The following BLNK variants were observed in gnomAD, a reference collection of about 807,000 sequenced individuals.
The protein encoded by BLNK is B cell linker.
BLNK carries 29 observed loss-of-function variants against 73.5 expected under a neutral mutation model. The ratio of observed to expected loss-of-function variants is 0.39; its 90% confidence interval spans 0.29 to 0.54. The LOEUF (loss-of-function observed/expected upper bound fraction) is 0.54. Among genes scored for constraint, BLNK ranks in the 20% least tolerant of loss-of-function variants. The pLI is 0.61. For missense variants in BLNK, 460 were observed against 562.8 expected (o/e 0.82, Z 1.85); for synonymous variants, 176 against 200.8 (o/e 0.88, Z 1.04).
intron 11 of BLNK, chr10:96,204,977 CA>C: frequency 3.1e-6 from 1 of 318,538 alleles, no homozygotes; most frequent in Non-Finnish European, 6.1e-6. Flanking sequence ...CTCTACTTGC[CA>C]TGTGGCCTCC....
chr10:96,202,616 G>T, intron 13 of BLNK, among the ~76,000 whole-genome samples: 1 of 152,254 alleles, frequency 6.6e-6, no homozygotes, highest in Middle Eastern at 3.4e-3. Flanking sequence ...GTAAGAGGAG[G>T]GGGCAGTGAG....
chr10:96,256,098 G>A (rs1843495460), intron 1 of BLNK, among the ~76,000 whole-genome samples: 1 of 152,008 alleles, frequency 6.6e-6, no homozygotes, highest in African/African-American at 2.4e-5. Flanking sequence ...TTGGGAGGCT[G>A]AGGAGGGTGG....
chr10:96,252,988 G>T (rs1843352884), intron 1 of BLNK, among the ~76,000 whole-genome samples: 1 of 152,156 alleles, frequency 6.6e-6, no homozygotes, highest in African/African-American at 2.4e-5. Context: ...TGGCAGGCAG[G>T]CCTCAGGCTT....
intron 1 of BLNK, among the ~76,000 whole-genome samples, chr10:96,264,628 T>C (rs1554913783): frequency 6.6e-6 from 1 of 152,116 alleles, no homozygotes; most frequent in Non-Finnish European, 1.5e-5. Flanking sequence ...TTAATAGAGC[T>C]GGAAAAAAGT....
chr10:96,192,197 C>T (rs1554893622), intron 16 of BLNK, 105 bp from the exon 17 acceptor site: 8 of 1,455,528 alleles, frequency 5.5e-6, no homozygotes, highest in South Asian at 1.2e-5. Flanking sequence ...AGTTATTACA[C>T]CCCAGCTGAC....
intron 15 of BLNK, among the ~76,000 whole-genome samples, chr10:96,197,809 G>A (rs1002361792): frequency 2.0e-5 from 3 of 151,610 alleles, no homozygotes; most frequent in African/African-American, 4.8e-5. Context: ...CCAGCTACTC[G>A]GGAGGCTGAG....
chr10:96,268,919 C>A (rs1844139286), intron 1 of BLNK, among the ~76,000 whole-genome samples: 1 of 152,100 alleles, frequency 6.6e-6, no homozygotes, highest in Admixed American at 6.5e-5. Context: ...TCATCTGGTG[C>A]CAAATAATTA....
intron 16 of BLNK, 112 bp downstream of exon 16, chr10:96,196,796 A>C: frequency 1.9e-6 from 2 of 1,064,262 alleles, no homozygotes; most frequent in Non-Finnish European, 2.8e-6. Context: ...TGCAAGCATT[A>C]GAACAAGTAC....
At chr10:96,259,334 A>C (rs550839490) in intron 1 of BLNK, among the ~76,000 whole-genome samples, 71 of 152,308 alleles carry the variant, frequency 4.7e-4, no homozygotes, top group African/African-American at 1.5e-3. Flanking sequence ...TTTGGGAGGA[A>C]GAGGGAGAGT....
chr10:96,250,880 C>A (rs1006033692), intron 1 of BLNK, among the ~76,000 whole-genome samples: 4 of 152,108 alleles, frequency 2.6e-5, no homozygotes, highest in African/African-American at 9.7e-5. Flanking sequence ...GTTGCATAAA[C>A]TATACTTTTT....
chr10:96,198,158 C>G (rs1480686013), intron 15 of BLNK, among the ~76,000 whole-genome samples: 2 of 151,920 alleles, frequency 1.3e-5, no homozygotes, highest in East Asian at 3.9e-4. Flanking sequence ...GGGACGAGAG[C>G]TTCAAATGAA....
At chr10:96,217,681 T>C (rs1554900167) in intron 6 of BLNK, among the ~76,000 whole-genome samples, 2 of 152,226 alleles carry the variant, frequency 1.3e-5, no homozygotes, top group African/African-American at 4.8e-5. Context: ...TTATAAGAGT[T>C]ATCTATATAT....
chr10:96,199,609 A>G (rs1228378992), intron 15 of BLNK: 1 of 440,984 alleles, frequency 2.3e-6, no homozygotes. Context: ...GTTTCTCTTG[A>G]GTAAGTAAAG....
At chr10:96,209,768 A>T in intron 9 of BLNK, 70 bp downstream of exon 9, 1 of 1,571,564 alleles carries the variant, frequency 6.4e-7, no homozygotes. Flanking sequence ...AATGAAGTCA[A>T]CAGGGCAGTG....
chr10:96,224,369 TG>T (rs2084271611), intron 5 of BLNK, among the ~76,000 whole-genome samples: 1 of 152,206 alleles, frequency 6.6e-6, no homozygotes, highest in Non-Finnish European at 1.5e-5. Context: ...CACCCCAGCC[TG>T]GCAACGTTTG....
intron 12 of BLNK, 86 bp downstream of exon 12, chr10:96,204,446 T>G: frequency 1.5e-6 from 2 of 1,377,554 alleles, no homozygotes; most frequent in Non-Finnish European, 2.1e-6. Flanking sequence ...GCACTGCAAG[T>G]CAGTGTCACT....
intron 8 of BLNK, among the ~76,000 whole-genome samples, chr10:96,214,687 T>C (rs888728325): frequency 6.6e-6 from 1 of 151,808 alleles, no homozygotes; most frequent in East Asian, 1.9e-4. Flanking sequence ...GGAAGTCAGG[T>C]TGGGGTTGGA....
At chr10:96,242,823 G>A in intron 2 of BLNK, 39 bp from the exon 3 acceptor site, 2 of 1,546,020 alleles carry the variant, frequency 1.3e-6, no homozygotes, top group Non-Finnish European at 8.9e-7. Context: ...TCAGTGAGCA[G>A]AACAATGATG....
chr10:96,215,254 C>T, intron 8 of BLNK, 67 bp downstream of exon 8: 1 of 1,478,270 alleles, frequency 6.8e-7, no homozygotes, highest in African/African-American at 1.4e-5. Flanking sequence ...GATTACTCTT[C>T]ATAGTTGATC....
Sources: allele counts gnomAD v4.1 joint callset (sites outside exome capture counted in the v4.1 genomes callset), GRCh38; gene constraint gnomAD v4.1.1; transcripts MANE v1.5; gene names NCBI Gene and HGNC (gene_info 2026-07-23, HGNC 2026-07-21).